The following R3HDM1 variants were observed in gnomAD, a reference collection of about 807,000 sequenced individuals.
The protein encoded by R3HDM1 is R3H domain-containing protein 1.
R3HDM1 carries 46 observed loss-of-function variants against 141.1 expected under a neutral mutation model. The observed-to-expected ratio is 0.33, with a 90% CI of 0.26 to 0.42. R3HDM1 has a LOEUF of 0.42. Ranked by LOEUF, R3HDM1 falls within the 10% of genes least tolerant of loss-of-function variation. R3HDM1 has a pLI of 1.00. For missense variants in R3HDM1, 1,184 were observed against 1,368.3 expected (o/e 0.87, Z 2.12); for synonymous variants, 435 against 472.9 (o/e 0.92, Z 1.04).
At chr2:135,715,743 A>G in intron 24 of R3HDM1, 49 bp downstream of exon 24, 1 of 1,557,720 alleles carries the variant, frequency 6.4e-7, no homozygotes, top group African/African-American at 1.4e-5. Context: ...TAAGACATCC[A>G]TTCCCAGTCA....
At chr2:135,645,209 A>C (rs575920863) in intron 15 of R3HDM1, 170 bp from the exon 16 acceptor site, 1 of 524,904 alleles carries the variant, frequency 1.9e-6, no homozygotes, top group African/African-American at 2.8e-5. Context: ...TAATAGCCTC[A>C]TGTCAGAGCA....
chr2:135,582,615 A>G (rs577636705), intron 1 of R3HDM1, among the ~76,000 whole-genome samples: 2 of 152,204 alleles, frequency 1.3e-5, no homozygotes, highest in Admixed American at 6.5e-5. Context: ...AGGGCCAGAA[A>G]CCCACACTGC....
At chr2:135,701,223 CAAAAAA>C (rs748354211) in intron 21 of R3HDM1, among the ~76,000 whole-genome samples, 2 of 82,420 alleles carry the variant, frequency 2.4e-5, no homozygotes, top group African/African-American at 8.2e-5. Context: ...TCATCTCTAC[CAAAAAA>C]AAAAAAAAAA....
intron 21 of R3HDM1, among the ~76,000 whole-genome samples, chr2:135,708,971 A>C (rs541390021): frequency 2.0e-5 from 3 of 151,998 alleles, no homozygotes; most frequent in East Asian, 1.9e-4. Flanking sequence ...AAAAAAAAAA[A>C]AAAAAAACTA....
At chr2:135,699,033 A>ATTGATT (rs1559465892) in intron 21 of R3HDM1, among the ~76,000 whole-genome samples, 1 of 86,314 alleles carries the variant, frequency 1.2e-5, no homozygotes, top group African/African-American at 4.2e-5. Context: ...ATAGATAGAT[A>ATTGATT]GATAGATAGA....
intron 18 of R3HDM1, among the ~76,000 whole-genome samples, chr2:135,656,298 G>A (rs1294525196): frequency 6.6e-6 from 1 of 151,752 alleles, no homozygotes; most frequent in African/African-American, 2.4e-5. Context: ...TTATTAGTTG[G>A]GTTCTGCCTC....
intron 1 of R3HDM1, among the ~76,000 whole-genome samples, chr2:135,601,880 T>G (rs1266298022): frequency 6.6e-6 from 1 of 152,092 alleles, no homozygotes; most frequent in Non-Finnish European, 1.5e-5. Context: ...CATGCTAGTC[T>G]TGAGCCCCTG....
intron 1 of R3HDM1, among the ~76,000 whole-genome samples, chr2:135,592,049 T>C (rs544299097): frequency 2.4e-4 from 36 of 152,350 alleles, no homozygotes; most frequent in Middle Eastern, 3.4e-3. Context: ...GGCCATGCAA[T>C]TGAATTCAAT....
chr2:135,571,961 C>T (rs929510011), intron 1 of R3HDM1, among the ~76,000 whole-genome samples: 2 of 151,954 alleles, frequency 1.3e-5, no homozygotes, highest in African/African-American at 2.4e-5. Context: ...TATTTTATTT[C>T]GAGACAGTGT....
At chr2:135,632,681 A>G (rs1165380575) in intron 9 of R3HDM1, among the ~76,000 whole-genome samples, 1 of 152,200 alleles carries the variant, frequency 6.6e-6, no homozygotes, top group East Asian at 1.9e-4. Context: ...GCCTATTTTT[A>G]AGGCTAATCC....
At chr2:135,561,473 T>G in intron 1 of R3HDM1, 13 of 456,858 alleles carry the variant, frequency 2.8e-5, no homozygotes, top group South Asian at 9.4e-5. Flanking sequence ...TCCCAGCGCT[T>G]TGGTAGGCCA....
chr2:135,552,875 A>G (rs1321907317), intron 1 of R3HDM1, among the ~76,000 whole-genome samples: 1 of 151,750 alleles, frequency 6.6e-6, no homozygotes, highest in East Asian at 1.9e-4. Context: ...TGTTGTTAAC[A>G]TTGCTTTTTT....
At chr2:135,567,903 CTTTT>C (rs562748072) in intron 1 of R3HDM1, among the ~76,000 whole-genome samples, 4 of 73,816 alleles carry the variant, frequency 5.4e-5, no homozygotes, top group South Asian at 4.3e-4. Flanking sequence ...CCACACCTGG[CTTTT>C]TTTTTTTTTT....
rs879938907 is a variant in R3HDM1 at position 135,719,484 on chromosome 2, T to TA, written c.2882-2428dup. Among the ~76,000 whole-genome samples the TA allele has an allele frequency of 1.3e-3, 180 of 139,940 alleles. 1 individual carries two copies. The highest frequency in any genetic ancestry group is 4.9e-3 in the East Asian group (24 of 4,868). 91.8% of individuals were successfully genotyped at this position (139,940 alleles called of 152,430 possible). Reference sequence around the variant, plus strand: ...CAGAGCAAGACTCTGTCTCAAAAATTAAAAAAAAAAAAGGAGTTATCCATT... The same window carrying TA: ...CAGAGCAAGACTCTGTCTCAAAAATTAAAAAAAAAAAAAGGAGTTATCCATT... On this transcript the variant is annotated intron_variant, in intron 24 of 26. Coordinates refer to ENST00000683871, the MANE Select transcript of R3HDM1 (RefSeq NM_001378107.1).
intron 1 of R3HDM1, among the ~76,000 whole-genome samples, chr2:135,576,626 A>T (rs555008750): frequency 1.3e-5 from 2 of 152,346 alleles, no homozygotes; most frequent in African/African-American, 4.8e-5. Flanking sequence ...TGATAATTGG[A>T]TAAGCAGAGT....
In R3HDM1 at chr2:135,715,707, G is replaced by A; in HGVS notation, c.2881+13G>A. The stretch of plus-strand genomic sequence containing the variant: ...GTCCCCGGGCAAGGTAAGTGCACAT[G>A]AAACTAGTCACAACTTCAGAGAATT... On this transcript the variant is annotated intron_variant, in intron 24 of 26. Coordinates refer to ENST00000683871, the MANE Select transcript of R3HDM1 (RefSeq NM_001378107.1). The A allele has an allele frequency of 1.2e-6, 2 of 1,605,592 alleles. No homozygotes were observed. Among genetic ancestry groups the A allele is most frequent in the Admixed American group, 1.7e-5 (1 of 58,218 alleles).
intron 21 of R3HDM1, among the ~76,000 whole-genome samples, chr2:135,691,977 C>T (rs2072469294): frequency 6.6e-6 from 1 of 151,810 alleles, no homozygotes; most frequent in South Asian, 2.1e-4. Context: ...GTGGTGAGAT[C>T]TCAGCTCACT....
intron 21 of R3HDM1, among the ~76,000 whole-genome samples, chr2:135,694,795 A>C (rs1383540050): frequency 6.6e-6 from 1 of 152,158 alleles, no homozygotes; most frequent in African/African-American, 2.4e-5. Context: ...GACCTCCTTG[A>C]GTCTTAGTTG....
chr2:135,712,269 G>C (rs972196530), intron 23 of R3HDM1, among the ~76,000 whole-genome samples: 1 of 151,816 alleles, frequency 6.6e-6, no homozygotes, highest in African/African-American at 2.4e-5. Flanking sequence ...CAACCTCCTG[G>C]GCTCATCATT....
Sources: allele counts gnomAD v4.1 joint callset (sites outside exome capture counted in the v4.1 genomes callset), GRCh38; gene constraint gnomAD v4.1.1; transcripts MANE v1.5; gene names NCBI Gene and HGNC (gene_info 2026-07-23, HGNC 2026-07-21).